The following HPSE2 variants were observed in gnomAD, a reference collection of about 807,000 sequenced individuals.
The protein encoded by HPSE2 is heparanase 2 (inactive), also known as inactive heparanase-2.
HPSE2 carries 38 observed loss-of-function variants against 60.5 expected under a neutral mutation model. The ratio of observed to expected loss-of-function variants is 0.63; its 90% CI spans 0.48 to 0.82. The LOEUF is 0.82. Among genes scored for constraint, HPSE2 ranks in the 40% least tolerant of loss-of-function variants. The pLI, the probability that HPSE2 is intolerant of heterozygous loss-of-function variation, is 0.00. For synonymous variants in HPSE2, 295 were observed against 293.2 expected, an observed-to-expected ratio of 1.01 and a Z score of -0.06; for missense variants, 713 against 740.4, an observed-to-expected ratio of 0.96 and a Z score of 0.43.
intron 3 of HPSE2, among the ~76,000 whole-genome samples, chr10:99,110,445 T>G (rs1249140754): frequency 6.6e-6 from 1 of 152,124 alleles, no homozygotes; most frequent in Non-Finnish European, 1.5e-5. Flanking sequence ...CAACACAGAT[T>G]ATGACTTGAA....
At chr10:99,096,631 G>C (rs771213391) in intron 3 of HPSE2, among the ~76,000 whole-genome samples, 26 of 151,834 alleles carry the variant, frequency 1.7e-4, no homozygotes, top group Non-Finnish European at 2.6e-4. Flanking sequence ...CATATCATTG[G>C]ACATTAAAAT....
At chr10:98,893,389 A>C (rs1953394434) in intron 3 of HPSE2, among the ~76,000 whole-genome samples, 1 of 152,190 alleles carries the variant, frequency 6.6e-6, no homozygotes, top group Admixed American at 6.5e-5. Flanking sequence ...TTTTAGAATA[A>C]GGCTAAAAAG....
At chr10:98,907,948 A>G (rs1339566343) in intron 3 of HPSE2, among the ~76,000 whole-genome samples, 1 of 152,194 alleles carries the variant, frequency 6.6e-6, no homozygotes, top group African/African-American at 2.4e-5. Flanking sequence ...ATTTGATAAA[A>G]ATCAGTCTAT....
chr10:98,566,771 G>A (rs1392463597), intron 9 of HPSE2, among the ~76,000 whole-genome samples: 1 of 152,116 alleles, frequency 6.6e-6, no homozygotes, highest in African/African-American at 2.4e-5. Flanking sequence ...CACTTCCTAA[G>A]GTGGGACACA....
At chr10:98,680,077 A>C (rs1947746340) in intron 6 of HPSE2, among the ~76,000 whole-genome samples, 1 of 152,206 alleles carries the variant, frequency 6.6e-6, no homozygotes, top group African/African-American at 2.4e-5. Flanking sequence ...CATTGACTGG[A>C]AAAATACACA....
intron 3 of HPSE2, among the ~76,000 whole-genome samples, chr10:99,085,123 T>C (rs1028500035): frequency 6.6e-6 from 1 of 152,010 alleles, no homozygotes; most frequent in Non-Finnish European, 1.5e-5. Context: ...GCATCTAGAG[T>C]GAGATGCTAG....
At chr10:98,751,586 T>A (rs967407587) in intron 3 of HPSE2, among the ~76,000 whole-genome samples, 3 of 152,316 alleles carry the variant, frequency 2.0e-5, no homozygotes, top group Admixed American at 2.0e-4. Flanking sequence ...GGCTGGTGAC[T>A]CCAGAAGGAA....
chr10:98,800,718 T>C (rs1040785344), intron 3 of HPSE2, among the ~76,000 whole-genome samples: 3 of 151,878 alleles, frequency 2.0e-5, no homozygotes, highest in Non-Finnish European at 4.4e-5. Flanking sequence ...AGTAATGAAA[T>C]TGAAGTCATA....
rs1370028256 is a variant in HPSE2, at chr10:98,583,605, A to G, written c.1320+31299T>C. On this transcript the variant is annotated intron_variant, in intron 9 of 11. Transcript: ENST00000370552. Reference sequence around the variant, plus strand: ...TATGTAACCTTCCTCTTTTCCCCCAATAAAACCCCAGGCTTTCCCTTTGTT... The same window carrying G: ...TATGTAACCTTCCTCTTTTCCCCCAGTAAAACCCCAGGCTTTCCCTTTGTT... Among the ~76,000 whole-genome samples the G allele has an allele frequency of 4.6e-5, 7 of 152,328 alleles. No individual in the cohort carries two copies. The South Asian group carries it at 6.2e-4, about 14-fold the overall frequency.
chr10:99,255,306 T>C, the HPSE2 span, among the ~76,000 whole-genome samples: 1 of 152,202 alleles, frequency 6.6e-6, no homozygotes, highest in African/African-American at 2.4e-5. Flanking sequence ...GGAGAAATAG[T>C]ATTAGTTTTA....
chr10:98,657,557 G>T (rs139049990), intron 6 of HPSE2, among the ~76,000 whole-genome samples: 1 of 152,152 alleles, frequency 6.6e-6, no homozygotes, highest in East Asian at 1.9e-4. Flanking sequence ...GGCTGGTCTC[G>T]AACTCTTGAC....
At chr10:99,153,096 G>A (rs1846350319) in intron 2 of HPSE2, among the ~76,000 whole-genome samples, 1 of 152,254 alleles carries the variant, frequency 6.6e-6, no homozygotes, top group Non-Finnish European at 1.5e-5. Context: ...GGCTCGGAGG[G>A]TCCTACGCCC....
At chr10:98,863,539 A>G (rs1356315033) in intron 3 of HPSE2, among the ~76,000 whole-genome samples, 1 of 152,148 alleles carries the variant, frequency 6.6e-6, no homozygotes, top group Non-Finnish European at 1.5e-5. Flanking sequence ...ACTGAAGGTT[A>G]GTCAGTAGAA....
At chr10:98,958,153 T>C (rs1955556285) in intron 3 of HPSE2, among the ~76,000 whole-genome samples, 1 of 152,160 alleles carries the variant, frequency 6.6e-6, no homozygotes, top group African/African-American at 2.4e-5. Flanking sequence ...ATAAGGCTAG[T>C]GTCTCAGAGG....
At chr10:98,652,407 C>A (rs1946942317) in intron 6 of HPSE2, among the ~76,000 whole-genome samples, 1 of 152,200 alleles carries the variant, frequency 6.6e-6, no homozygotes, top group African/African-American at 2.4e-5. Context: ...ACCAGTCCCA[C>A]ATATACCCTT....
At chr10:99,080,915 T>C (rs983032648) in intron 3 of HPSE2, among the ~76,000 whole-genome samples, 1 of 152,238 alleles carries the variant, frequency 6.6e-6, no homozygotes, top group Non-Finnish European at 1.5e-5. Flanking sequence ...TATATAATGC[T>C]GACTGTAGAA....
chr10:99,119,087 A>AAGAG (rs1180353373), intron 3 of HPSE2, among the ~76,000 whole-genome samples: 2 of 59,030 alleles, frequency 3.4e-5, no homozygotes, highest in Non-Finnish European at 9.7e-5. Context: ...AAGAGAAAGA[A>AAGAG]AGAGAGAGAG....
chr10:99,232,447 C>A lies in HPSE2; in HGVS notation c.349G>T (p.Gly117Cys). ...GLSPAFLRFGGKRTDFLQFQN... is the reference protein window; with the variant it reads ...GLSPAFLRFGCKRTDFLQFQN... ...AACTGCAGGAAGTCGGTCCTTTTGC[C>A]CCCGAAGCGCAGAAAGGCGGGCGAA... The change falls in exon 2 of 12, where the codon GGC becomes TGC. Residue 117 changes from glycine (G) to cysteine (C), a missense_variant. Gly to Cys is a radical substitution (Grantham distance 159, BLOSUM62 -3). Transcript: ENST00000370552. The A allele has an allele frequency of 1.3e-6, 2 of 1,558,306 alleles. No individual in the cohort carries two copies. Among genetic ancestry groups the A allele is most frequent in the Non-Finnish European group, 1.7e-6 (2 of 1,150,740 alleles).
intron 3 of HPSE2, among the ~76,000 whole-genome samples, chr10:99,100,912 A>T (rs572063971): frequency 6.6e-6 from 1 of 152,232 alleles, no homozygotes; most frequent in African/African-American, 2.4e-5. Context: ...AGTGAAGGAG[A>T]AATAAAATAC....
Sources: gnomAD v4.1 joint callset for allele counts (sites outside exome capture counted in the v4.1 genomes callset) on GRCh38, gnomAD v4.1.1 for gene constraint, MANE v1.5 for transcripts, NCBI Gene and HGNC (gene_info 2026-07-23, HGNC 2026-07-21) for gene names.